Variants in SPAG16 observed in about 807,000 individuals in gnomAD.
SPAG16 encodes the protein sperm-associated antigen 16 protein.
Under a neutral mutation model 80.4 loss-of-function variants are expected in SPAG16, and 86 were observed. That is an observed-to-expected ratio of 1.07 (90% CI 0.90 to 1.28). SPAG16 has a LOEUF of 1.28. Among genes scored for constraint, SPAG16 ranks in the 50% most tolerant of loss-of-function variants. The pLI, the probability that SPAG16 is intolerant of heterozygous loss-of-function variation, is 0.00. For missense variants in SPAG16, 870 were observed against 765.3 expected (o/e 1.14, Z -1.61); for synonymous variants, 294 against 265.9 (o/e 1.11, Z -1.03).
chr2:213,315,862 C>T (rs1318513458), intron 4 of SPAG16, among the ~76,000 whole-genome samples: 2 of 151,936 alleles, frequency 1.3e-5, no homozygotes, highest in African/African-American at 4.8e-5. Flanking sequence ...CACTATTTCA[C>T]GGGCCTCTCT....
chr2:213,949,179 T>TTGTTTTGTTTTG (rs2079609025), intron 12 of SPAG16, among the ~76,000 whole-genome samples: 2 of 36,244 alleles, frequency 5.5e-5, no homozygotes, highest in Non-Finnish European at 1.1e-4. Flanking sequence ...GTTTTTTTTT[T>TTGTTTTGTTTTG]TTTTTTTTTT....
intron 15 of SPAG16, among the ~76,000 whole-genome samples, chr2:214,365,091 T>G (rs1468501084): frequency 6.6e-6 from 1 of 152,114 alleles, no homozygotes; most frequent in Non-Finnish European, 1.5e-5. Context: ...TGCTAGAGGA[T>G]AAGGAAGAGA....
intron 10 of SPAG16, among the ~76,000 whole-genome samples, chr2:213,638,392 A>G (rs1485386691): frequency 6.6e-6 from 1 of 151,792 alleles, no homozygotes; most frequent in Non-Finnish European, 1.5e-5. Context: ...GCTACTAACT[A>G]TTTTCTTAGC....
chr2:213,884,341 T>C (rs973712504), intron 11 of SPAG16, among the ~76,000 whole-genome samples: 19 of 152,292 alleles, frequency 1.2e-4, no homozygotes, highest in Admixed American at 6.5e-4. Context: ...TCCCAGAATC[T>C]CTTCTTGCTT....
intron 10 of SPAG16, among the ~76,000 whole-genome samples, chr2:213,803,176 C>A (rs553425080): frequency 1.3e-5 from 2 of 152,174 alleles, no homozygotes; most frequent in South Asian, 4.1e-4. Context: ...GGACAGATAA[C>A]CTTTAATAGT....
At chr2:213,970,215 T>G (rs2044953614) in intron 12 of SPAG16, among the ~76,000 whole-genome samples, 1 of 152,144 alleles carries the variant, frequency 6.6e-6, no homozygotes, top group Non-Finnish European at 1.5e-5. Flanking sequence ...AGCCTGTAAA[T>G]TTTGGGGGAA....
chr2:214,122,081 T>C (rs1243012514), intron 14 of SPAG16, among the ~76,000 whole-genome samples: 1 of 151,758 alleles, frequency 6.6e-6, no homozygotes, highest in African/African-American at 2.4e-5. Context: ...CACAAATATG[T>C]ATAATATAAA....
chr2:213,754,609 T>TA (rs912359452), intron 10 of SPAG16, among the ~76,000 whole-genome samples: 11 of 152,118 alleles, frequency 7.2e-5, no homozygotes, highest in Non-Finnish European at 1.6e-4. Context: ...TCATAAATAT[T>TA]AAAAAACTTT....
intron 11 of SPAG16, among the ~76,000 whole-genome samples, chr2:213,914,668 T>C (rs1231743841): frequency 1.3e-5 from 2 of 152,214 alleles, no homozygotes; most frequent in Non-Finnish European, 2.9e-5. Context: ...CTCTTATGTA[T>C]GTTATTTAAA....
At chr2:214,082,771 C>A (rs897040047) in intron 13 of SPAG16, among the ~76,000 whole-genome samples, 12 of 152,192 alleles carry the variant, frequency 7.9e-5, no homozygotes, top group African/African-American at 2.9e-4. Context: ...TAATCACTGG[C>A]CTACCATTAT....
chr2:214,200,214 G>A (rs2057970185), intron 15 of SPAG16, among the ~76,000 whole-genome samples: 1 of 152,088 alleles, frequency 6.6e-6, no homozygotes, highest in African/African-American at 2.4e-5. Context: ...TGTGATGTTG[G>A]CTATGGGTTT....
intron 9 of SPAG16, among the ~76,000 whole-genome samples, chr2:213,395,522 G>T (rs2067986954): frequency 6.6e-6 from 1 of 152,110 alleles, no homozygotes; most frequent in Admixed American, 6.6e-5. Context: ...GGTGTTTAGA[G>T]ATTTTCCGGT....
intron 13 of SPAG16, among the ~76,000 whole-genome samples, chr2:214,085,458 G>T (rs62197895): frequency 0.5 from 75,213 of 151,492 alleles, 18,805 homozygotes; most frequent in Middle Eastern, 0.54. Context: ...ATGTTGGTAT[G>T]GAGTTAGTGA....
chr2:214,084,846 C>A (rs2125279255), intron 13 of SPAG16, among the ~76,000 whole-genome samples: 1 of 152,230 alleles, frequency 6.6e-6, no homozygotes, highest in East Asian at 1.9e-4. Context: ...ATTTTATGTC[C>A]TGGGGATTAC....
chr2:214,058,695 T>C (rs977404513), intron 13 of SPAG16, among the ~76,000 whole-genome samples: 5 of 151,986 alleles, frequency 3.3e-5, no homozygotes, highest in African/African-American at 1.2e-4. Context: ...CAAAGTACAA[T>C]AAAATGAGAT....
At chr2:213,961,377 A>G (rs1023140904) in intron 12 of SPAG16, among the ~76,000 whole-genome samples, 3 of 152,062 alleles carry the variant, frequency 2.0e-5, no homozygotes, top group African/African-American at 7.2e-5. Flanking sequence ...TTCTATCTGG[A>G]TACCTTTTAT....
intron 8 of SPAG16, among the ~76,000 whole-genome samples, chr2:213,368,026 A>AAT (rs2066412262): frequency 6.7e-6 from 1 of 148,472 alleles, no homozygotes; most frequent in Non-Finnish European, 1.5e-5. Context: ...TTTTCCCAGC[A>AAT]CCACTTATTA....
At chr2:213,799,994 C>T (rs1445289237) in intron 10 of SPAG16, among the ~76,000 whole-genome samples, 2 of 150,420 alleles carry the variant, frequency 1.3e-5, no homozygotes, top group Non-Finnish European at 3.0e-5. Flanking sequence ...CTGTTTTCAG[C>T]TCTCACACTG....
At chr2:214,237,154 T>C (rs1689139072) in intron 15 of SPAG16, among the ~76,000 whole-genome samples, 1 of 152,178 alleles carries the variant, frequency 6.6e-6, no homozygotes, top group Non-Finnish European at 1.5e-5. Context: ...TTATCTCTTG[T>C]TCAATCACAT....
Sources: gnomAD v4.1 joint callset for allele counts (sites outside exome capture counted in the v4.1 genomes callset) on GRCh38, gnomAD v4.1.1 for gene constraint, MANE v1.5 for transcripts, NCBI Gene and HGNC (gene_info 2026-07-23, HGNC 2026-07-21) for gene names.